CSMD1: variants seen among roughly 807,000 people sequenced by gnomAD.
CSMD1 encodes the protein CUB and Sushi multiple domains 1.
A neutral mutation model predicts 417.5 loss-of-function variants in CSMD1; 213 were observed. The observed-to-expected ratio is 0.51, with a 90% confidence interval of 0.46 to 0.57. CSMD1 has a LOEUF of 0.57. CSMD1 is among the 20% of genes least tolerant of loss of function. The pLI is 0.00. For missense variants in CSMD1, 6,923 were observed against 4,529.7 expected, an observed-to-expected ratio of 1.53 and a Z score of -15.17; for synonymous variants, 2,862 against 1,736.8, an observed-to-expected ratio of 1.65 and a Z score of -16.11.
At chr8:4,108,491 T>C (rs546456210) in intron 3 of CSMD1, among the ~76,000 whole-genome samples, 331 of 152,332 alleles carry the variant, frequency 2.2e-3, no homozygotes, top group Non-Finnish European at 3.8e-3. Context: ...GGCAAGTGAT[T>C]GCTCTTATAA....
intron 1 of CSMD1, among the ~76,000 whole-genome samples, chr8:4,829,315 T>G (rs1800006651): frequency 6.6e-6 from 1 of 152,228 alleles, no homozygotes; most frequent in Admixed American, 6.5e-5. Flanking sequence ...ACCATTATAT[T>G]AATCTATGTT....
chr8:3,708,104 C>T (rs1402790215), intron 7 of CSMD1, among the ~76,000 whole-genome samples: 4 of 152,062 alleles, frequency 2.6e-5, no homozygotes, highest in South Asian at 2.1e-4. Flanking sequence ...TGTGCAAGGA[C>T]GGAGAGAGAC....
intron 3 of CSMD1, among the ~76,000 whole-genome samples, chr8:4,309,169 G>C (rs61191550): frequency 0.64 from 96,663 of 151,858 alleles, 31,721 homozygotes; most frequent in East Asian, 0.86. Context: ...TTCTGAAGAT[G>C]TGTGGAGATT....
intron 43 of CSMD1, 75 bp from the exon 44 acceptor site, chr8:3,108,823 G>A: frequency 7.0e-7 from 1 of 1,418,722 alleles, no homozygotes; most frequent in Non-Finnish European, 9.5e-7. Context: ...TTTGGCTAAT[G>A]AATTAATTTT....
intron 10 of CSMD1, among the ~76,000 whole-genome samples, chr8:3,520,596 A>G (rs79155299): frequency 0.021 from 3,128 of 152,222 alleles, 83 homozygotes; most frequent in South Asian, 0.077. Context: ...CACAGACAAC[A>G]CCATTTACTG....
At chr8:3,540,230 T>C (rs1334426067) in intron 10 of CSMD1, among the ~76,000 whole-genome samples, 1 of 152,230 alleles carries the variant, frequency 6.6e-6, no homozygotes, top group East Asian at 1.9e-4. Context: ...CAATGAATTT[T>C]AACCAGCACT....
chr8:3,356,783 T>C (rs944187397), intron 21 of CSMD1, among the ~76,000 whole-genome samples: 3 of 152,212 alleles, frequency 2.0e-5, no homozygotes, highest in Non-Finnish European at 4.4e-5. Context: ...GAGGGCTCCA[T>C]CTGTCTGCAG....
intron 4 of CSMD1, among the ~76,000 whole-genome samples, chr8:4,003,034 TA>T (rs563873029): frequency 2.3e-3 from 345 of 152,084 alleles, no homozygotes; most frequent in Middle Eastern, 0.014. Flanking sequence ...AACAACACAA[TA>T]AAAAAATATT....
chr8:3,781,737 C>A lies in CSMD1; in HGVS notation c.819-27695G>T, dbSNP rs565762800. Among the ~76,000 whole-genome samples the A allele has an allele frequency of 1.6e-3, 246 of 152,240 alleles. 1 individual carries two copies. Among genetic ancestry groups the A allele is most frequent in the African/African-American group, 5.7e-3 (235 of 41,548 alleles). ...TCCCCATGTGAGGGGGCCAATATTG[C>A]CCCTGACAATCTGATAGAGACAACA... On this transcript the variant is annotated intron_variant, in intron 5 of 69. Coordinates refer to ENST00000635120, the MANE Select transcript of CSMD1 (RefSeq NM_033225.6).
intron 2 of CSMD1, among the ~76,000 whole-genome samples, chr8:4,568,171 G>C (rs1041329372): frequency 3.3e-5 from 5 of 152,096 alleles, no homozygotes; most frequent in African/African-American, 1.2e-4. Flanking sequence ...TAAGTTATGG[G>C]ATACATGTGC....
intron 21 of CSMD1, among the ~76,000 whole-genome samples, chr8:3,352,928 G>A (rs1808512008): frequency 6.6e-6 from 1 of 152,088 alleles, no homozygotes; most frequent in Non-Finnish European, 1.5e-5. Flanking sequence ...AAAAACACAT[G>A]GGGGTATATA....
chr8:3,543,814 A>C (rs994295793), intron 10 of CSMD1, among the ~76,000 whole-genome samples: 3 of 152,180 alleles, frequency 2.0e-5, no homozygotes, highest in African/African-American at 7.2e-5. Flanking sequence ...GAGTCTGAAT[A>C]GGAACATTTT....
intron 3 of CSMD1, among the ~76,000 whole-genome samples, chr8:4,370,884 C>G (rs1802355017): frequency 6.6e-6 from 1 of 152,200 alleles, no homozygotes; most frequent in South Asian, 2.1e-4. Flanking sequence ...TCTTGATGAG[C>G]TCCATTGCCA....
At chr8:3,890,184 C>CATATTCCCTAAGAAGAT (rs1806863276) in intron 5 of CSMD1, among the ~76,000 whole-genome samples, 1 of 152,030 alleles carries the variant, frequency 6.6e-6, no homozygotes, top group African/African-American at 2.4e-5. Context: ...ACTAAAGTAT[C>CATATTCCCTAAGAAGAT]ATATTCCCTA....
At chr8:3,502,230 T>C (rs955298791) in intron 10 of CSMD1, among the ~76,000 whole-genome samples, 1 of 151,346 alleles carries the variant, frequency 6.6e-6, no homozygotes, top group Non-Finnish European at 1.5e-5. Context: ...CCGGGCATGG[T>C]GGTGGGCGCC....
chr8:3,564,284 G>C (rs1799599838), intron 10 of CSMD1, among the ~76,000 whole-genome samples: 1 of 151,880 alleles, frequency 6.6e-6, no homozygotes, highest in African/African-American at 2.4e-5. Context: ...AGAAAAAAAA[G>C]AAACGGAGTA....
chr8:3,875,297 A>G (rs1216143912), intron 5 of CSMD1, among the ~76,000 whole-genome samples: 1 of 152,172 alleles, frequency 6.6e-6, no homozygotes, highest in Non-Finnish European at 1.5e-5. Context: ...TGCATTAAGG[A>G]TCCTAAACTC....
chr8:3,916,901 G>C (rs1808867347), intron 5 of CSMD1, among the ~76,000 whole-genome samples: 2 of 127,678 alleles, frequency 1.6e-5, no homozygotes, highest in African/African-American at 2.6e-5. Flanking sequence ...AACAGAATGA[G>C]ACATATTAAA....
chr8:4,945,337 C>T (rs975785869), intron 1 of CSMD1, among the ~76,000 whole-genome samples: 8 of 152,038 alleles, frequency 5.3e-5, no homozygotes, highest in African/African-American at 1.9e-4. Flanking sequence ...GTTGATTGCA[C>T]AGCCATGTGA....
Sources: allele counts gnomAD v4.1 joint callset (sites outside exome capture counted in the v4.1 genomes callset), GRCh38; gene constraint gnomAD v4.1.1; transcripts MANE v1.5; gene names NCBI Gene and HGNC (gene_info 2026-07-23, HGNC 2026-07-21).